Variants in FSTL5 observed in about 807,000 individuals in gnomAD.
The protein encoded by FSTL5 is follistatin like 5.
In FSTL5, 62 loss-of-function variants were observed where a neutral mutation model predicts 89.1. The observed-to-expected ratio is 0.70, with a 90% CI of 0.57 to 0.86. FSTL5 has a LOEUF of 0.86. Among genes scored for constraint, FSTL5 ranks in the 40% least tolerant of loss-of-function variants. The pLI, the probability that FSTL5 is intolerant of heterozygous loss-of-function variation, is 0.00. For missense variants in FSTL5, 1,057 were observed against 1,001.6 expected, an observed-to-expected ratio of 1.06 and a Z score of -0.75; for synonymous variants, 383 against 346.2, an observed-to-expected ratio of 1.11 and a Z score of -1.18.
intron 6 of FSTL5, among the ~76,000 whole-genome samples, chr4:161,706,398 T>C (rs2126735127): frequency 6.6e-6 from 1 of 152,140 alleles, no homozygotes; most frequent in Non-Finnish European, 1.5e-5. Flanking sequence ...TAATTTATCC[T>C]CAATATTTTA....
chr4:162,101,128 G>A (rs1467517113), intron 2 of FSTL5, among the ~76,000 whole-genome samples: 2 of 152,096 alleles, frequency 1.3e-5, no homozygotes, highest in African/African-American at 4.8e-5. Flanking sequence ...TACCTAGTCC[G>A]GCAAACATAC....
chr4:161,663,317 C>T (rs1159822461), intron 6 of FSTL5, among the ~76,000 whole-genome samples: 1 of 152,184 alleles, frequency 6.6e-6, no homozygotes, highest in African/African-American at 2.4e-5. Context: ...GTCCCTTTCT[C>T]CTATGAGCCT....
chr4:161,792,869 C>T (rs569534792), intron 4 of FSTL5, among the ~76,000 whole-genome samples: 1 of 152,320 alleles, frequency 6.6e-6, no homozygotes, highest in African/African-American at 2.4e-5. Context: ...CTTAAAAGAG[C>T]TGTAACACAA....
intron 4 of FSTL5, among the ~76,000 whole-genome samples, chr4:161,852,356 T>C (rs77448204): frequency 0.035 from 5,274 of 152,230 alleles, 178 homozygotes; most frequent in East Asian, 0.15. Flanking sequence ...TCCTACTCTT[T>C]AGAATAAACA....
chr4:161,618,127 C>G (rs1422984597), intron 7 of FSTL5, among the ~76,000 whole-genome samples: 13 of 145,332 alleles, frequency 8.9e-5, no homozygotes, highest in Admixed American at 4.8e-4. Context: ...CTCTGTTTGT[C>G]TGTTATTGGT....
At position 162,034,446 on chromosome 4, in the gene FSTL5, T is replaced by C. The variant is rs1047957692; in HGVS notation, c.127-788A>G. ...TTAGAATTGGACCCCATCTCAATTC[T>C]TTAAGGCTAAAGTTGACAACAATTC... is the stretch of plus-strand genomic sequence containing the variant. On this transcript the variant is annotated intron_variant, in intron 2 of 15. Transcript: ENST00000306100. Among the ~76,000 whole-genome samples the C allele has an allele frequency of 2.3e-4, 35 of 152,130 alleles. 3 individuals carry two copies. Among genetic ancestry groups the C allele is most frequent in the Non-Finnish European group, 5.9e-5 (4 of 68,008 alleles).
intron 12 of FSTL5, among the ~76,000 whole-genome samples, chr4:161,486,619 A>G (rs544950917): frequency 6.6e-6 from 1 of 152,294 alleles, no homozygotes; most frequent in African/African-American, 2.4e-5. Context: ...ACTTGTTGTA[A>G]CTGAAAATTG....
rs189638062 is a variant in FSTL5 at position 161,560,128 on chromosome 4, T to C, written c.1016-17435A>G. On this transcript the variant is annotated intron_variant, in intron 8 of 15. Coordinates refer to ENST00000306100, the MANE Select transcript of FSTL5 (RefSeq NM_020116.5). ...GTGGCCCAAGACAATTCTTCTTCCATTGTGGCCCAGGGAAGCCAAAAGATT... is the reference window on the plus strand; with the variant it reads ...GTGGCCCAAGACAATTCTTCTTCCACTGTGGCCCAGGGAAGCCAAAAGATT... Among the ~76,000 whole-genome samples the C allele has an allele frequency of 8.6e-3, 1,308 of 152,026 alleles. 17 individuals are homozygous for C. The highest frequency in any genetic ancestry group is 0.03 in the African/African-American group (1,231 of 41,522).
intron 2 of FSTL5, among the ~76,000 whole-genome samples, chr4:162,071,057 T>C (rs548673782): frequency 6.6e-6 from 1 of 151,220 alleles, no homozygotes; most frequent in African/African-American, 2.4e-5. Context: ...AAAAATAAAT[T>C]AAAAGAGAGA....
intron 8 of FSTL5, among the ~76,000 whole-genome samples, chr4:161,570,475 T>C (rs1732966232): frequency 6.6e-6 from 1 of 152,260 alleles, no homozygotes; most frequent in South Asian, 2.1e-4. Context: ...CCACAAAAAC[T>C]GAGAAATCAG....
chr4:161,916,692 T>C (rs1236599188), intron 4 of FSTL5, among the ~76,000 whole-genome samples: 1 of 152,136 alleles, frequency 6.6e-6, no homozygotes, highest in African/African-American at 2.4e-5. Context: ...ATTTTATCTA[T>C]AGTTCTACAA....
chr4:161,801,779 T>C (rs960238841), intron 4 of FSTL5, among the ~76,000 whole-genome samples: 3 of 151,566 alleles, frequency 2.0e-5, no homozygotes. Flanking sequence ...TAGTAGGCAT[T>C]CTATCAAGTT....
At chr4:162,103,420 C>G (rs753905138) in intron 2 of FSTL5, among the ~76,000 whole-genome samples, 1 of 152,172 alleles carries the variant, frequency 6.6e-6, no homozygotes, top group Non-Finnish European at 1.5e-5. Context: ...TATTTAGTGG[C>G]AATTGTGACC....
At chr4:161,968,736 T>C (rs930501652) in intron 3 of FSTL5, among the ~76,000 whole-genome samples, 1 of 152,096 alleles carries the variant, frequency 6.6e-6, no homozygotes, top group Non-Finnish European at 1.5e-5. Context: ...ACACCACATA[T>C]TGCCAGTCAA....
At chr4:161,474,390 CTAA>C (rs1234946096) in intron 13 of FSTL5, among the ~76,000 whole-genome samples, 1 of 151,998 alleles carries the variant, frequency 6.6e-6, no homozygotes, top group Admixed American at 6.6e-5. Flanking sequence ...AACTTTTAGA[CTAA>C]TAATATTTAT....
At chr4:161,738,050 C>T (rs553639926) in intron 6 of FSTL5, among the ~76,000 whole-genome samples, 9 of 151,872 alleles carry the variant, frequency 5.9e-5, no homozygotes, top group African/African-American at 1.2e-4. Flanking sequence ...CTGTTTTTTC[C>T]GAGTGATTAT....
chr4:161,931,497 G>A (rs936445936), intron 3 of FSTL5, among the ~76,000 whole-genome samples: 2 of 151,904 alleles, frequency 1.3e-5, no homozygotes, highest in Non-Finnish European at 2.9e-5. Context: ...ATGAGAAGTG[G>A]AGGAAATTCT....
chr4:161,598,203 C>T (rs907756022), intron 7 of FSTL5, among the ~76,000 whole-genome samples: 1 of 151,922 alleles, frequency 6.6e-6, no homozygotes, highest in Admixed American at 6.6e-5. Flanking sequence ...GGCAGAACTC[C>T]ATCTCTACTA....
intron 6 of FSTL5, among the ~76,000 whole-genome samples, chr4:161,724,556 G>GTACA (rs1299679839): frequency 6.6e-6 from 1 of 152,150 alleles, no homozygotes; most frequent in African/African-American, 2.4e-5. Context: ...TTTGAAGGAT[G>GTACA]TACATACTTT....
Sources: gnomAD v4.1 joint callset for allele counts (sites outside exome capture counted in the v4.1 genomes callset) on GRCh38, gnomAD v4.1.1 for gene constraint, MANE v1.5 for transcripts, NCBI Gene and HGNC (gene_info 2026-07-23, HGNC 2026-07-21) for gene names.